Variants in XPO7 observed in about 807,000 individuals in gnomAD.
The protein encoded by XPO7 is exportin 7.
In XPO7, 21 loss-of-function variants were observed where a neutral mutation model predicts 144.3. The ratio of observed to expected loss-of-function variants is 0.15; its 90% CI spans 0.10 to 0.21. The LOEUF (loss-of-function observed/expected upper bound fraction) is 0.21, where lower values mean the gene tolerates loss of function less well. Ranked by LOEUF, XPO7 falls within the 10% of genes least tolerant of loss-of-function variation. The pLI, the probability that XPO7 is intolerant of heterozygous loss-of-function variation, is 1.00. For synonymous variants in XPO7, 580 were observed against 499.6 expected (o/e 1.16, Z -2.15); for missense variants, 808 against 1,325.8 (o/e 0.61, Z 6.06).
At chr8:21,967,111 G>C in intron 2 of XPO7, 108 bp downstream of exon 2, 1 of 1,413,086 alleles carries the variant, frequency 7.1e-7, no homozygotes, top group Non-Finnish European at 9.4e-7. Flanking sequence ...GATTTTTCTA[G>C]GTGTCCCTGA....
chr8:21,953,518 T>G (rs1163935365), intron 1 of XPO7, among the ~76,000 whole-genome samples: 1 of 152,250 alleles, frequency 6.6e-6, no homozygotes, highest in African/African-American at 2.4e-5. Context: ...AGTTTTCAAG[T>G]CATTTGGGTA....
At chr8:22,003,781 C>A in intron 26 of XPO7, 122 bp from the exon 27 acceptor site, 1 of 1,424,560 alleles carries the variant, frequency 7.0e-7, no homozygotes, top group Non-Finnish European at 9.4e-7. Context: ...TTTTAAGGGT[C>A]CAATTTTAGT....
rs547165350 is a variant in XPO7 at position 21,953,460 on chromosome 8, T to C, written c.19-13397T>C. Among the ~76,000 whole-genome samples the C allele has an allele frequency of 2.6e-5, 4 of 152,376 alleles. No individual in the cohort carries two copies. In the South Asian group the frequency reaches 8.3e-4, roughly 32 times the overall value. ...TTTTGTAGCCAAGTTTTGGTAATTA[T>C]GAATAAAACTGCTATAAACATTTGT... On this transcript the variant is annotated intron_variant, in intron 1 of 27. Transcript: ENST00000252512.
rs1279563558 is a variant in XPO7 at position 22,005,996 on chromosome 8, C to T, written c.*908C>T. The T allele has an allele frequency of 6.6e-6, 1 of 152,200 alleles. No individual in the cohort carries two copies. Among genetic ancestry groups the T allele is most frequent in the Non-Finnish European group, 1.5e-5 (1 of 68,056 alleles). The allele number at this position is 152,200 out of a possible 1,614,324, so 9.4% of individuals were successfully genotyped here. A position where few individuals can be genotyped will look rare whatever the true frequency, so the allele number is the denominator to read the frequency against. On this transcript the variant is annotated 3_prime_UTR_variant, in exon 28 of 28. Transcript: ENST00000252512. Reference sequence around the variant, plus strand: ...AGAAGGAAGTGAGCCCACTGCTCTCCTGGGAGCAATGTGGGTGAGTCCACC... The same window carrying T: ...AGAAGGAAGTGAGCCCACTGCTCTCTTGGGAGCAATGTGGGTGAGTCCACC...
intron 1 of XPO7, among the ~76,000 whole-genome samples, chr8:21,920,358 T>C (rs1810235761): frequency 6.6e-6 from 1 of 151,394 alleles, no homozygotes; most frequent in South Asian, 2.1e-4. Context: ...ACACTCCAAA[T>C]CGTACAGCCC....
chr8:21,956,029 C>T (rs1179562441), intron 1 of XPO7, among the ~76,000 whole-genome samples: 6 of 151,968 alleles, frequency 3.9e-5, no homozygotes, highest in East Asian at 3.9e-4. Context: ...GCCCAGCCCC[C>T]GTGCTTACCT....
intron 1 of XPO7, among the ~76,000 whole-genome samples, chr8:21,958,271 T>C (rs1811604282): frequency 6.6e-6 from 1 of 152,112 alleles, no homozygotes; most frequent in African/African-American, 2.4e-5. Context: ...AATTAGCAAA[T>C]ACTGACCCAT....
intron 1 of XPO7, among the ~76,000 whole-genome samples, chr8:21,957,373 C>T (rs958706529): frequency 6.6e-6 from 1 of 152,014 alleles, no homozygotes; most frequent in Non-Finnish European, 1.5e-5. Context: ...TTCTTTGGGC[C>T]ACCCCACTTC....
chr8:21,991,662 G>A (rs1196833981), intron 18 of XPO7: 1 of 428,016 alleles, frequency 2.3e-6, no homozygotes, highest in Non-Finnish European at 4.2e-6. Context: ...GCCTAGACTA[G>A]GTGATTTCTG....
intron 1 of XPO7, among the ~76,000 whole-genome samples, chr8:21,958,714 C>T (rs1340365572): frequency 2.0e-5 from 3 of 150,962 alleles, no homozygotes; most frequent in Admixed American, 2.0e-4. Flanking sequence ...ATCCCAAGTG[C>T]TTTGGGAGGC....
chr8:21,921,082 G>T (rs1437921249), intron 1 of XPO7, among the ~76,000 whole-genome samples: 1 of 152,152 alleles, frequency 6.6e-6, no homozygotes, highest in Non-Finnish European at 1.5e-5. Flanking sequence ...CGGGATTTGT[G>T]TTTCAAAGCC....
intron 1 of XPO7, among the ~76,000 whole-genome samples, chr8:21,928,663 A>T (rs1331166016): frequency 5.3e-5 from 8 of 152,186 alleles, no homozygotes; most frequent in Admixed American, 1.3e-4. Flanking sequence ...TGACATTTGT[A>T]TATCTCAGGC....
At chr8:21,955,845 C>T (rs530736430) in intron 1 of XPO7, among the ~76,000 whole-genome samples, 1 of 150,030 alleles carries the variant, frequency 6.7e-6, no homozygotes, top group African/African-American at 2.5e-5. Context: ...TCTCCTGCCT[C>T]GGCCTCCCAA....
rs896892338 is a variant in XPO7, at chr8:22,005,741, T to C, written c.*653T>C. The C allele has an allele frequency of 1.3e-5, 2 of 152,256 alleles. No individual in the cohort carries two copies. Among genetic ancestry groups the C allele is most frequent in the African/African-American group, 4.8e-5 (2 of 41,448 alleles). The allele number at this position is 152,256 out of a possible 1,614,324, so 9.4% of individuals were successfully genotyped here. On this transcript the variant is annotated 3_prime_UTR_variant, in exon 28 of 28. Transcript: ENST00000252512. ...TATTAACCCTTGTTATTAGGAACTC[T>C]AAGCCATGCCAGAACACCGTCCCTC...
intron 1 of XPO7, among the ~76,000 whole-genome samples, chr8:21,943,092 G>A (rs186858643): frequency 6.6e-6 from 1 of 152,274 alleles, no homozygotes; most frequent in Non-Finnish European, 1.5e-5. Flanking sequence ...TATGAAAATA[G>A]CTTAGCTCTT....
intron 1 of XPO7, among the ~76,000 whole-genome samples, chr8:21,937,218 T>A (rs770590120): frequency 2.0e-5 from 3 of 152,218 alleles, no homozygotes; most frequent in Non-Finnish European, 2.9e-5. Flanking sequence ...ATACACAAAT[T>A]CATATTAGTC....
chr8:21,924,389 T>G (rs1563306790), intron 1 of XPO7, among the ~76,000 whole-genome samples: 1 of 152,114 alleles, frequency 6.6e-6, no homozygotes. Flanking sequence ...ATCAAGTCAG[T>G]ATTATCGGTG....
intron 1 of XPO7, among the ~76,000 whole-genome samples, chr8:21,963,534 AAATAT>A (rs1811791063): frequency 6.6e-6 from 1 of 152,142 alleles, no homozygotes; most frequent in Admixed American, 6.5e-5. Context: ...TCTCTACTAA[AAATAT>A]AAAAAATTAG....
At position 22,006,041 on chromosome 8, in the gene XPO7, G is replaced by T. The variant is rs1813319831; in HGVS notation, c.*953G>T. 1 of 152,290 alleles carries T rather than the reference G, an allele frequency of 6.6e-6. No homozygotes were observed. Among genetic ancestry groups the T allele is most frequent in the Non-Finnish European group, 1.5e-5 (1 of 68,080 alleles). 9.4% of individuals were successfully genotyped at this position (152,290 alleles called of 1,614,324 possible). A position where few individuals can be genotyped will look rare whatever the true frequency, so the allele number is the denominator to read the frequency against. On this transcript the variant is annotated 3_prime_UTR_variant, in exon 28 of 28. Coordinates refer to ENST00000252512, the MANE Select transcript of XPO7 (RefSeq NM_015024.5). ...TCCACCAGAGGCCCTGCTGTGTGTG[G>T]CCAATAAATTTTAGTCTTCCCCAGC...
Sources: allele counts gnomAD v4.1 joint callset (sites outside exome capture counted in the v4.1 genomes callset), GRCh38; gene constraint gnomAD v4.1.1; transcripts MANE v1.5; gene names NCBI Gene and HGNC (gene_info 2026-07-23, HGNC 2026-07-21).